AGBL1: variants seen among roughly 807,000 people sequenced by gnomAD.
AGBL1 encodes the protein cytosolic carboxypeptidase 4.
In AGBL1, 130 loss-of-function variants were observed where a neutral mutation model predicts 118.9. The observed-to-expected ratio is 1.09, with a 90% CI of 0.95 to 1.26. AGBL1 has a LOEUF of 1.26. Ranked by LOEUF, AGBL1 falls within the 50% of genes most tolerant of loss-of-function variation. The pLI is 0.00. For missense variants in AGBL1, 1,584 were observed against 1,298.1 expected (o/e 1.22, Z -3.38); for synonymous variants, 555 against 478.9 (o/e 1.16, Z -2.08).
intron 18 of AGBL1, among the ~76,000 whole-genome samples, chr15:86,452,325 C>G (rs1206270031): frequency 2.0e-5 from 3 of 152,320 alleles, no homozygotes; most frequent in East Asian, 3.9e-4. Flanking sequence ...GCTGACCACT[C>G]TCACCTGGAC....
At position 86,910,856 on chromosome 15, in the gene AGBL1, A is replaced by C. The variant is rs2080340843; in HGVS notation, c.*3562A>C. On this transcript the variant is annotated 3_prime_UTR_variant, in exon 23 of 23. Transcript: ENST00000614907. ...TGGAGGGAAGAGGGGACTTGGGAGC[A>C]GACCTCTCTCCTTTCCTGCTAGGAC... 1 of 152,214 alleles carries C rather than the reference A, an allele frequency of 6.6e-6. No individual in the cohort carries two copies. The highest frequency in any genetic ancestry group is 2.4e-5 in the African/African-American group (1 of 41,452). The allele number at this position is 152,214 out of a possible 1,614,324, so 9.4% of individuals were successfully genotyped here.
chr15:86,269,504 A>T (rs1360713865), intron 13 of AGBL1, among the ~76,000 whole-genome samples: 1 of 152,232 alleles, frequency 6.6e-6, no homozygotes, highest in Non-Finnish European at 1.5e-5. Context: ...ATTTCAAAAT[A>T]GTAAAAAGAC....
intron 22 of AGBL1, among the ~76,000 whole-genome samples, chr15:86,686,442 GTTTTTTTT>G (rs368842116): frequency 7.9e-6 from 1 of 127,128 alleles, no homozygotes; most frequent in East Asian, 2.4e-4. Flanking sequence ...CATATTCTAA[GTTTTTTTT>G]TTTTTTTTTT....
chr15:86,232,125 G>C (rs2078465706), intron 6 of AGBL1, among the ~76,000 whole-genome samples: 1 of 152,192 alleles, frequency 6.6e-6, no homozygotes, highest in African/African-American at 2.4e-5. Flanking sequence ...TTGGCACATG[G>C]CTTTTTTTCC....
chr15:86,876,753 A>T (rs1304377366), intron 22 of AGBL1, among the ~76,000 whole-genome samples: 2 of 152,202 alleles, frequency 1.3e-5, no homozygotes, highest in Non-Finnish European at 2.9e-5. Flanking sequence ...AAGAAAATAT[A>T]TATTTACAAA....
At chr15:86,257,140 CTAAT>C (rs1256100320) in intron 8 of AGBL1, 122 bp downstream of exon 8, 4 of 1,093,290 alleles carry the variant, frequency 3.7e-6, no homozygotes, top group Non-Finnish European at 3.8e-6. Context: ...GTCTATTAAG[CTAAT>C]TAGAGACATA....
intron 22 of AGBL1, among the ~76,000 whole-genome samples, chr15:86,875,525 A>T (rs1341382343): frequency 6.6e-6 from 1 of 152,222 alleles, no homozygotes; most frequent in Non-Finnish European, 1.5e-5. Flanking sequence ...CATCTGTTCA[A>T]GTAGGTCTGT....
chr15:86,469,074 G>T (rs1298219773), intron 18 of AGBL1, among the ~76,000 whole-genome samples: 10 of 151,648 alleles, frequency 6.6e-5, no homozygotes, highest in Non-Finnish European at 8.8e-5. Flanking sequence ...CACAAAGTTT[G>T]TTTTTTTTGT....
At chr15:86,657,056 TTC>T (rs2085472004) in intron 21 of AGBL1, among the ~76,000 whole-genome samples, 1 of 152,202 alleles carries the variant, frequency 6.6e-6, no homozygotes. Flanking sequence ...ATCATTAGGT[TTC>T]TCTCATGTTA....
At chr15:86,981,160 T>C (rs1439311431) in intron 23 of AGBL1, among the ~76,000 whole-genome samples, 2 of 152,192 alleles carry the variant, frequency 1.3e-5, no homozygotes, top group African/African-American at 4.8e-5. Context: ...GTGCTGGGAT[T>C]GCAAAAACAT....
intron 17 of AGBL1, among the ~76,000 whole-genome samples, chr15:86,391,640 GT>G (rs751427467): frequency 0.035 from 2,617 of 73,734 alleles, 7 homozygotes; most frequent in African/African-American, 0.064. Context: ...GTTGTTGTTG[GT>G]TTTTTTTTTT....
chr15:86,577,220 CTTG>C (rs914802283), intron 21 of AGBL1, among the ~76,000 whole-genome samples: 55 of 152,096 alleles, frequency 3.6e-4, no homozygotes, highest in Non-Finnish European at 5.7e-4. Flanking sequence ...AGATGAGGAC[CTTG>C]TTGTGAACTG....
At chr15:86,988,717 A>G (rs1168875333) in intron 24 of AGBL1, among the ~76,000 whole-genome samples, 1 of 152,136 alleles carries the variant, frequency 6.6e-6, no homozygotes, top group Non-Finnish European at 1.5e-5. Flanking sequence ...GTATATTGCT[A>G]GTGTGTAAGA....
intron 22 of AGBL1, among the ~76,000 whole-genome samples, chr15:86,719,142 A>T (rs1251080399): frequency 6.6e-6 from 1 of 152,168 alleles, no homozygotes; most frequent in East Asian, 1.9e-4. Context: ...AAAAATATGT[A>T]AGCATTTGAG....
intron 22 of AGBL1, among the ~76,000 whole-genome samples, chr15:86,752,703 C>G: frequency 6.6e-6 from 1 of 152,014 alleles, no homozygotes; most frequent in East Asian, 1.9e-4. Flanking sequence ...CAGCCTTCTC[C>G]CACCTCCAAA....
intron 21 of AGBL1, among the ~76,000 whole-genome samples, chr15:86,617,217 T>G (rs1178458065): frequency 6.6e-6 from 1 of 152,230 alleles, no homozygotes; most frequent in Non-Finnish European, 1.5e-5. Context: ...TTTGGACTAG[T>G]GTCATTCGAC....
intron 22 of AGBL1, among the ~76,000 whole-genome samples, chr15:86,743,760 C>T (rs2077715050): frequency 6.6e-6 from 1 of 152,130 alleles, no homozygotes; most frequent in Non-Finnish European, 1.5e-5. Flanking sequence ...GACCTTATAG[C>T]AATATTGGAA....
At chr15:86,279,457 C>A (rs2079311300) in intron 15 of AGBL1, among the ~76,000 whole-genome samples, 182 bp from the exon 16 acceptor site, 1 of 152,172 alleles carries the variant, frequency 6.6e-6, no homozygotes, top group Non-Finnish European at 1.5e-5. Context: ...CATGAACTGG[C>A]AGTAAGTTTA....
intron 21 of AGBL1, among the ~76,000 whole-genome samples, chr15:86,633,716 A>G (rs2085019086): frequency 6.6e-6 from 1 of 150,422 alleles, no homozygotes; most frequent in Non-Finnish European, 1.5e-5. Flanking sequence ...GGGATGTTTC[A>G]TACTATATGC....
Sources: gnomAD v4.1 joint callset for allele counts (sites outside exome capture counted in the v4.1 genomes callset) on GRCh38, gnomAD v4.1.1 for gene constraint, MANE v1.5 for transcripts, NCBI Gene and HGNC (gene_info 2026-07-23, HGNC 2026-07-21) for gene names.